HSBP1: variants seen among roughly 807,000 people sequenced by gnomAD.
The protein encoded by HSBP1 is heat shock factor-binding protein 1.
A neutral mutation model predicts 9.6 loss-of-function variants in HSBP1; 5 were observed. The observed-to-expected ratio is 0.52, with a 90% CI of 0.27 to 1.09. The LOEUF (loss-of-function observed/expected upper bound fraction) is 1.09, where lower values mean the gene tolerates loss of function less well. HSBP1 is among the 50% of genes least tolerant of loss of function. HSBP1 has a pLI of 0.11. For missense variants in HSBP1, 121 were observed against 96.3 expected (o/e 1.26, Z -1.07); for synonymous variants, 42 against 33.3 (o/e 1.26, Z -0.90).
At position 83,817,951 on chromosome 16, in the gene HSBP1, G is replaced by C. The variant is rs1351571958; in HGVS notation, c.*6533G>C. 3 of 152,188 alleles carry C rather than the reference G, an allele frequency of 2.0e-5. No individual in the cohort carries two copies. The highest frequency in any genetic ancestry group is 2.9e-5 in the Non-Finnish European group (2 of 68,050). The allele number at this position is 152,188 out of a possible 1,614,324, so 9.4% of individuals were successfully genotyped here. On this transcript the variant is annotated 3_prime_UTR_variant, in exon 4 of 4. Transcript: ENST00000433866. ...AAGAAATCAGCCTTTCCCTTTGATA[G>C]GTATCTCTCCTGCAAGCCAGGCTCA...
rs756125686 is a variant in HSBP1, at chr16:83,817,510, G to C, written c.*6092G>C. On this transcript the variant is annotated 3_prime_UTR_variant, in exon 4 of 4. Coordinates refer to ENST00000433866, the MANE Select transcript of HSBP1 (RefSeq NM_001537.4). ...TGCTCAGAGGCTCTCGAAAGCTGTT[G>C]ACATTATCAAAAAGTTTTCCAGCTG... 6.6e-6 allele frequency: 1 copy of C among 152,164 alleles called. No homozygotes were observed. Among genetic ancestry groups the C allele is most frequent in the Non-Finnish European group, 1.5e-5 (1 of 68,034 alleles). 9.4% of individuals were successfully genotyped at this position (152,164 alleles called of 1,614,324 possible).
rs77256184 is a variant in HSBP1, at chr16:83,815,036, T to A, written c.*3618T>A. 87,048 of 151,554 alleles carry A rather than the reference T, an allele frequency of 0.57. 25,545 individuals are homozygous for A. The highest frequency in any genetic ancestry group is 0.65 in the Non-Finnish European group (43,889 of 67,810). The allele number at this position is 151,554 out of a possible 1,614,324, so 9.4% of individuals were successfully genotyped here. ...TTTGTTTTGTGGTGTTTTTTTTTTA[T>A]TGCAACGAAGACTTTTAAATGGACT... On this transcript the variant is annotated 3_prime_UTR_variant, in exon 4 of 4. Transcript: ENST00000433866.
intron 3 of HSBP1, among the ~76,000 whole-genome samples, chr16:83,809,942 G>T (rs1263198752): frequency 6.6e-6 from 1 of 152,016 alleles, no homozygotes; most frequent in African/African-American, 2.4e-5. Context: ...TCTTTACACC[G>T]AATTTATTTT....
At chr16:83,810,931 C>T (rs1003847217) in intron 3 of HSBP1, among the ~76,000 whole-genome samples, 3 of 152,194 alleles carry the variant, frequency 2.0e-5, no homozygotes, top group Non-Finnish European at 2.9e-5. Context: ...TTTTAAGTCA[C>T]TGTGAAATAC....
chr16:83,819,075 G>C lies in HSBP1; in HGVS notation c.*7657G>C, dbSNP rs1158963971. The C allele has an allele frequency of 1.3e-5, 2 of 151,960 alleles. No homozygotes were observed. The highest frequency in any genetic ancestry group is 4.8e-5 in the African/African-American group (2 of 41,370). The allele number at this position is 151,960 out of a possible 1,614,324, so 9.4% of individuals were successfully genotyped here. A position where few individuals can be genotyped will look rare whatever the true frequency, so the allele number is the denominator to read the frequency against. ...CGATTCTGAGAGTGAGAGAGCCAGG[G>C]CCTTCGGGCATCAACCTTGGGGCGA... On this transcript the variant is annotated 3_prime_UTR_variant, in exon 4 of 4. Coordinates refer to ENST00000433866, the MANE Select transcript of HSBP1 (RefSeq NM_001537.4).
Position 83,808,119 on chromosome 16 carries a change from G to C in HSBP1, c.43G>C (p.Val15Leu). ...CAAGACCGTGCAGGACCTCACCTCG[G>C]TGGTAAGGGACGGCTGTGAGGGCCG... The part of the protein sequence containing the change: ...DPKTVQDLTS[V>L]VQTLLQQMQD... Residue 15 changes from valine (V) to leucine (L), a missense_variant and splice_region_variant, in exon 1 of 4, where the codon GTG (valine) becomes CTG (leucine). Transcript: ENST00000433866. 1.9e-6 allele frequency: 3 copies of C among 1,546,614 alleles called. No homozygotes were observed. Among genetic ancestry groups the C allele is most frequent in the Non-Finnish European group, 2.6e-6 (3 of 1,144,712 alleles).
chr16:83,808,714 T>A lies in HSBP1; in HGVS notation c.80T>A (p.Phe27Tyr). Residue 27 changes from phenylalanine to tyrosine, a missense_variant, in exon 2 of 4, where the codon TTT becomes TAT. Physicochemically the swap from Phe to Tyr is conservative, Grantham distance 22 (BLOSUM62 3). Transcript: ENST00000433866. Reference sequence around the variant, plus strand: ...CTCCTGCAGCAGATGCAAGATAAATTTCAGACCATGTCTGACCAGATCATT... The same window carrying A: ...CTCCTGCAGCAGATGCAAGATAAATATCAGACCATGTCTGACCAGATCATT... Reference protein sequence around the residue: ...QTLLQQMQDKFQTMSDQIIGR... With the variant: ...QTLLQQMQDKYQTMSDQIIGR... 1 of 1,612,962 alleles carries A rather than the reference T, an allele frequency of 6.2e-7. No homozygotes were observed. Among genetic ancestry groups the A allele is most frequent in the Non-Finnish European group, 8.5e-7 (1 of 1,179,100 alleles).
rs1471491384 is a variant in HSBP1, at chr16:83,807,991, G to C, written c.-86G>C. ...CCGCGAGCTGCCAGTCTCGTCGCGAGAAGCAGCGGCCCGGGGCGACTGAGC... is the reference window on the plus strand; with the variant it reads ...CCGCGAGCTGCCAGTCTCGTCGCGACAAGCAGCGGCCCGGGGCGACTGAGC... On this transcript the variant is annotated 5_prime_UTR_variant, in exon 1 of 4. Transcript: ENST00000433866. 8.0e-7 allele frequency: 1 copy of C among 1,250,948 alleles called. No individual in the cohort carries two copies. The highest frequency in any genetic ancestry group is 3.0e-5 in the East Asian group (1 of 33,856). 77.5% of individuals were successfully genotyped at this position (1,250,948 alleles called of 1,614,324 possible). A position where few individuals can be genotyped will look rare whatever the true frequency, so the allele number is the denominator to read the frequency against.
intron 3 of HSBP1, among the ~76,000 whole-genome samples, chr16:83,811,205 T>C (rs1349372319): frequency 2.0e-5 from 3 of 152,200 alleles, no homozygotes; most frequent in Non-Finnish European, 4.4e-5. Flanking sequence ...TGGCTAGTGA[T>C]GGGGGTCATT....
intron 1 of HSBP1, 173 bp from the exon 2 acceptor site, chr16:83,808,507 A>G: frequency 1.7e-6 from 1 of 601,306 alleles, no homozygotes; most frequent in East Asian, 2.8e-5. Context: ...CAGCAGTCTA[A>G]TTGGACAGGT....
chr16:83,809,531 C>T (rs1317445073), intron 3 of HSBP1, 106 bp downstream of exon 3: 3 of 601,656 alleles, frequency 5.0e-6, no homozygotes, highest in East Asian at 3.0e-5. Context: ...TGCAATGGCA[C>T]GATCTCGGCT....
chr16:83,808,196 C>T (rs773454376), intron 1 of HSBP1, 75 bp downstream of exon 1: 7 of 1,249,544 alleles, frequency 5.6e-6, no homozygotes, highest in Middle Eastern at 4.1e-4. Context: ...TGGACAGAGG[C>T]GCGCCCACCG....
rs563508726 is a variant in HSBP1 at position 83,809,141 on chromosome 16, A to T, written c.113-164A>T. On this transcript the variant is annotated intron_variant, in intron 2 of 3. Coordinates refer to ENST00000433866, the MANE Select transcript of HSBP1 (RefSeq NM_001537.4). ...GGCTGGAATCCGATGCGGGGTAGCC[A>T]TGCCCCACAGTCCTGTACTCTTACC... 3.9e-4 allele frequency: 225 copies of T among 575,714 alleles called. 4 individuals carry two copies. The South Asian group carries it at 4.9e-3, about 13-fold the overall frequency. The allele number at this position is 575,714 out of a possible 1,614,324, so 35.7% of individuals were successfully genotyped here. A position where few individuals can be genotyped will look rare whatever the true frequency, so the allele number is the denominator to read the frequency against.
Position 83,809,441 on chromosome 16 carries a change from A to AT in HSBP1, c.*2+26dup, listed in dbSNP as rs200049557. ...AGAGTTGAAGGTGAGGAAGGGGGCA[A>AT]TTTTTTTTTTCTTTTCTTTTCTTTT... On this transcript the variant is annotated intron_variant, in intron 3 of 3. Transcript: ENST00000433866. 4,403 of 1,044,560 alleles carry AT rather than the reference A, an allele frequency of 4.2e-3. No homozygotes were observed. Among genetic ancestry groups the AT allele is most frequent in the East Asian group, 5.8e-3 (185 of 31,928 alleles). 64.7% of individuals were successfully genotyped at this position (1,044,560 alleles called of 1,614,324 possible). A position where few individuals can be genotyped will look rare whatever the true frequency, so the allele number is the denominator to read the frequency against.
chr16:83,808,832 G>A (rs1163385045), intron 2 of HSBP1, 86 bp downstream of exon 2: 27 of 959,426 alleles, frequency 2.8e-5, no homozygotes, highest in Non-Finnish European at 3.8e-5. Flanking sequence ...GTAGTTTTCA[G>A]GCTAGCTTCA....
At position 83,815,977 on chromosome 16, in the gene HSBP1, G is replaced by A. The variant is rs990462614; in HGVS notation, c.*4559G>A. On this transcript the variant is annotated 3_prime_UTR_variant, in exon 4 of 4. Transcript: ENST00000433866. The stretch of plus-strand genomic sequence containing the variant: ...TCTGGATTCAGGATCCAGCAGCTTA[G>A]AAGCGTTTAGCTACCAATAGCAAAA... The A allele has an allele frequency of 3.9e-5, 6 of 152,204 alleles. No homozygotes were observed. The highest frequency in any genetic ancestry group is 1.2e-4 in the African/African-American group (5 of 41,438). The allele number at this position is 152,204 out of a possible 1,614,324, so 9.4% of individuals were successfully genotyped here. A position where few individuals can be genotyped will look rare whatever the true frequency, so the allele number is the denominator to read the frequency against.
Position 83,815,266 on chromosome 16 carries a change from G to C in HSBP1, c.*3848G>C, listed in dbSNP as rs892554948. ...TAATATGGAAATAGGAAAAGGGTTT[G>C]TTTCAACAAGTCAGGATGACAGTAT... is the stretch of plus-strand genomic sequence containing the variant. On this transcript the variant is annotated 3_prime_UTR_variant, in exon 4 of 4. Coordinates refer to ENST00000433866, the MANE Select transcript of HSBP1 (RefSeq NM_001537.4). 7 of 152,042 alleles carry C rather than the reference G, an allele frequency of 4.6e-5. No homozygotes were observed. The highest frequency in any genetic ancestry group is 7.2e-5 in the African/African-American group (3 of 41,406). 9.4% of individuals were successfully genotyped at this position (152,042 alleles called of 1,614,324 possible).
At chr16:83,809,280 C>A in intron 2 of HSBP1, 25 bp from the exon 3 acceptor site, 1 of 1,394,224 alleles carries the variant, frequency 7.2e-7, no homozygotes. Context: ...GAGATGTTGG[C>A]ACGCGTTGTC....
At position 83,811,995 on chromosome 16, in the gene HSBP1, C is replaced by CGAT. The variant is rs1410385551; in HGVS notation, c.*577_*578insGAT. The stretch of plus-strand genomic sequence containing the variant: ...CTCAGAATAGAACTTAGACGTATGT[C>CGAT]TGAGTCCCTGAGATCACATGCTAAA... On this transcript the variant is annotated 3_prime_UTR_variant, in exon 4 of 4. Transcript: ENST00000433866. 6.6e-6 allele frequency: 1 copy of CGAT among 152,656 alleles called. No homozygotes were observed. The highest frequency in any genetic ancestry group is 1.5e-5 in the Non-Finnish European group (1 of 68,038). The allele number at this position is 152,656 out of a possible 1,614,324, so 9.5% of individuals were successfully genotyped here. A position where few individuals can be genotyped will look rare whatever the true frequency, so the allele number is the denominator to read the frequency against.
Sources: allele counts gnomAD v4.1 joint callset (sites outside exome capture counted in the v4.1 genomes callset), GRCh38; gene constraint gnomAD v4.1.1; transcripts MANE v1.5; gene names NCBI Gene and HGNC (gene_info 2026-07-23, HGNC 2026-07-21).